FARP1: variants seen among roughly 807,000 people sequenced by gnomAD.
FARP1 encodes FERM, ARH/RhoGEF and pleckstrin domain protein 1, also known as FERM, ARHGEF and pleckstrin domain-containing protein 1.
A neutral mutation model predicts 128.8 loss-of-function variants in FARP1; 52 were observed. The ratio of observed to expected loss-of-function variants is 0.40; its 90% CI spans 0.32 to 0.51. The LOEUF (loss-of-function observed/expected upper bound fraction) is 0.51. Ranked by LOEUF, FARP1 falls within the 20% of genes least tolerant of loss-of-function variation. FARP1 has a pLI of 0.45. For synonymous variants in FARP1, 580 were observed against 551.8 expected (o/e 1.05, Z -0.72); for missense variants, 1,333 against 1,367.9 (o/e 0.97, Z 0.40).
intron 2 of FARP1, among the ~76,000 whole-genome samples, chr13:98,290,346 G>A (rs1339848131): frequency 6.6e-6 from 1 of 151,906 alleles, no homozygotes; most frequent in Non-Finnish European, 1.5e-5. Context: ...CTCTGAAAAA[G>A]TGACATTTAG....
At chr13:98,177,527 G>A (rs1878178455) in intron 1 of FARP1, among the ~76,000 whole-genome samples, 1 of 151,932 alleles carries the variant, frequency 6.6e-6, no homozygotes, top group African/African-American at 2.4e-5. Context: ...TGCGCCTGAA[G>A]TCCCAGCTAC....
At chr13:98,144,369 G>C (rs764463755) in intron 1 of FARP1, among the ~76,000 whole-genome samples, 1 of 152,206 alleles carries the variant, frequency 6.6e-6, no homozygotes, top group Non-Finnish European at 1.5e-5. Flanking sequence ...CGAGGCCCTG[G>C]TATCTGATCA....
chr13:98,189,675 T>C lies in FARP1; in HGVS notation c.-23-23545T>C, dbSNP rs139303893. ...TTACTTATTATTGCCATGCATATTA[T>C]AGAAAACTTCTCAAGTCAGGCATCG... On this transcript the variant is annotated intron_variant, in intron 1 of 26. Transcript: ENST00000319562. Among the ~76,000 whole-genome samples, 63 of 152,354 alleles carry C rather than the reference T, an allele frequency of 4.1e-4. No homozygotes were observed. In the East Asian group the frequency reaches 7.3e-3, roughly 18 times the overall value.
chr13:98,197,835 A>G (rs1472343534), intron 1 of FARP1, among the ~76,000 whole-genome samples: 2 of 151,446 alleles, frequency 1.3e-5, no homozygotes, highest in African/African-American at 4.8e-5. Flanking sequence ...ACGGGGTTTC[A>G]CTGTTTAGCC....
In FARP1 at chr13:98,143,801, C is replaced by G. The variant is rs545481058; in HGVS notation, c.-24+309C>G. The stretch of plus-strand genomic sequence containing the variant: ...CGCGCCGGTCCCCGCTCGCCTCCCC[C>G]GACCCCGGCGCCCTTCCCCCGTTTC... On this transcript the variant is annotated intron_variant, in intron 1 of 26. Coordinates refer to ENST00000319562, the MANE Select transcript of FARP1 (RefSeq NM_005766.4). Among the ~76,000 whole-genome samples the G allele has an allele frequency of 8.6e-5, 13 of 151,904 alleles. 1 individual carries two copies. The South Asian group carries it at 2.7e-3, about 31-fold the overall frequency.
intron 5 of FARP1, among the ~76,000 whole-genome samples, chr13:98,374,138 G>C (rs1330412697): frequency 6.6e-6 from 1 of 152,080 alleles, no homozygotes; most frequent in Non-Finnish European, 1.5e-5. Context: ...TCTAAAATAA[G>C]GTTGGCTAGG....
intron 1 of FARP1, among the ~76,000 whole-genome samples, chr13:98,153,820 C>T (rs1423053522): frequency 2.0e-5 from 3 of 151,986 alleles, no homozygotes; most frequent in Non-Finnish European, 4.4e-5. Flanking sequence ...GCCTCAGCCT[C>T]CCAAAGTGCT....
rs778819510 is a variant in FARP1, at chr13:98,448,339, G to A, written c.*22G>A. 1.3e-5 allele frequency: 20 copies of A among 1,550,888 alleles called. No homozygotes were observed. The highest frequency in any genetic ancestry group is 4.5e-5 in the South Asian group (4 of 89,790). ...TTGATGGCCGGACACACTCGTTTCC[G>A]CAGTGGCTGCTTTCCTGGAAGACGT... On this transcript the variant is annotated 3_prime_UTR_variant, in exon 27 of 27. Coordinates refer to ENST00000319562, the MANE Select transcript of FARP1 (RefSeq NM_005766.4).
At chr13:98,213,487 T>G in intron 2 of FARP1, 74 bp downstream of exon 2, 2 of 1,470,412 alleles carry the variant, frequency 1.4e-6, no homozygotes, top group South Asian at 2.6e-5. Context: ...TTCGGCTCAT[T>G]CCCATGGCCA....
chr13:98,188,798 A>T (rs1879047537), intron 1 of FARP1, among the ~76,000 whole-genome samples: 1 of 152,084 alleles, frequency 6.6e-6, no homozygotes, highest in South Asian at 2.1e-4. Flanking sequence ...CCTCCTTCAG[A>T]AGTGTTCGGG....
intron 11 of FARP1, 92 bp downstream of exon 11, chr13:98,390,972 T>C: frequency 1.2e-6 from 1 of 866,244 alleles, no homozygotes; most frequent in Middle Eastern, 2.2e-4. Flanking sequence ...TTACCCAGAC[T>C]TCAGACTTGA....
chr13:98,427,046 C>T (rs78345927), intron 17 of FARP1, among the ~76,000 whole-genome samples: 2,747 of 152,112 alleles, frequency 0.018, 97 homozygotes, highest in African/African-American at 0.062. Flanking sequence ...TGAACCAATA[C>T]TGACAAGGTT....
intron 2 of FARP1, among the ~76,000 whole-genome samples, chr13:98,259,648 G>A (rs1322668708): frequency 6.6e-6 from 1 of 152,144 alleles, no homozygotes; most frequent in Non-Finnish European, 1.5e-5. Context: ...CATATTCCAA[G>A]TTGTCTTTTT....
At chr13:98,178,707 G>A (rs1878284545) in intron 1 of FARP1, among the ~76,000 whole-genome samples, 1 of 152,180 alleles carries the variant, frequency 6.6e-6, no homozygotes, top group South Asian at 2.1e-4. Context: ...CAAAACACTG[G>A]CTGCTGTGGG....
At chr13:98,323,362 T>C (rs1382895589) in intron 2 of FARP1, among the ~76,000 whole-genome samples, 1 of 151,636 alleles carries the variant, frequency 6.6e-6, no homozygotes, top group African/African-American at 2.4e-5. Flanking sequence ...GTTCAAGTGG[T>C]CTCTGTAATG....
chr13:98,144,036 CTT>C (rs1875306352), intron 1 of FARP1, among the ~76,000 whole-genome samples: 1 of 152,146 alleles, frequency 6.6e-6, no homozygotes, highest in Non-Finnish European at 1.5e-5. Context: ...TTGTGTCTCT[CTT>C]TACTGTCTGC....
chr13:98,439,057 G>T (rs2139109041), intron 20 of FARP1, 50 bp from the exon 21 acceptor site: 1 of 1,504,394 alleles, frequency 6.6e-7, no homozygotes, highest in Non-Finnish European at 9.2e-7. Flanking sequence ...CTGGAGGGAA[G>T]CCTGCTGTCC....
intron 2 of FARP1, among the ~76,000 whole-genome samples, chr13:98,341,771 G>A (rs1887984139): frequency 6.6e-6 from 1 of 152,242 alleles, no homozygotes; most frequent in African/African-American, 2.4e-5. Flanking sequence ...AATGTACATA[G>A]TGAAAAGAAA....
At chr13:98,209,560 G>C (rs1880530658) in intron 1 of FARP1, among the ~76,000 whole-genome samples, 1 of 146,742 alleles carries the variant, frequency 6.8e-6, no homozygotes, top group African/African-American at 2.5e-5. Flanking sequence ...ACTTTGGGAG[G>C]CTGAGGCGGG....
Sources: allele counts gnomAD v4.1 joint callset (sites outside exome capture counted in the v4.1 genomes callset), GRCh38; gene constraint gnomAD v4.1.1; transcripts MANE v1.5; gene names NCBI Gene and HGNC (gene_info 2026-07-23, HGNC 2026-07-21).